The following PIGV variants were observed in gnomAD, a reference collection of about 807,000 sequenced individuals.
PIGV encodes GPI alpha-1,6-mannosyltransferase 2.
PIGV carries 27 observed loss-of-function variants against 39.2 expected under a neutral mutation model. The observed-to-expected ratio is 0.69, with a 90% CI of 0.51 to 0.95. The LOEUF (loss-of-function observed/expected upper bound fraction) is 0.95. Among genes scored for constraint, PIGV ranks in the 40% least tolerant of loss-of-function variants. The pLI is 0.00. For synonymous variants in PIGV, 232 were observed against 241.7 expected, an observed-to-expected ratio of 0.96 and a Z score of 0.37; for missense variants, 523 against 586.4, an observed-to-expected ratio of 0.89 and a Z score of 1.12.
chr1:26,788,485 G>C (rs1010414754), intron 1 of PIGV: 30 of 152,486 alleles, frequency 2.0e-4, no homozygotes, highest in African/African-American at 7.2e-4. Context: ...CAGATTCTCA[G>C]ATAGGGCCCA....
At chr1:26,791,424 GT>G (rs2081308375) in intron 2 of PIGV, among the ~76,000 whole-genome samples, 1 of 152,126 alleles carries the variant, frequency 6.6e-6, no homozygotes, top group Admixed American at 6.5e-5. Flanking sequence ...GCACTTGCCC[GT>G]TTGCAGCTCC....
Position 26,797,868 on chromosome 1 carries a change from G to A in PIGV, c.*24G>A. On this transcript the variant is annotated 3_prime_UTR_variant, in exon 4 of 4. Coordinates refer to ENST00000674202, the MANE Select transcript of PIGV (RefSeq NM_017837.4). ...GACCTGGACTCTCCAGGGACAGGTT[G>A]GAAGCCAACTTAACCCAGGGGTCTG... 6.2e-7 allele frequency: 1 copy of A among 1,612,410 alleles called. No individual in the cohort carries two copies.
At chr1:26,791,181 C>G (rs1046322667) in intron 2 of PIGV, among the ~76,000 whole-genome samples, 2 of 152,168 alleles carry the variant, frequency 1.3e-5, no homozygotes, top group Non-Finnish European at 2.9e-5. Flanking sequence ...TTCCTAACTC[C>G]TGAGCTAGTG....
Position 26,794,772 on chromosome 1 carries a change from C to T in PIGV, c.738C>T (p.Phe246=). Residue 246 remains phenylalanine, a synonymous_variant, in exon 3 of 4, where the codon TTC becomes TTT. Coordinates refer to ENST00000674202, the MANE Select transcript of PIGV (RefSeq NM_017837.4). ...TGGCCTCTCTGTTTCTGTCGGTGTTCACACTTGGCCTTCCCTTTGCCCTCT... is the reference window on the plus strand; with the variant it reads ...TGGCCTCTCTGTTTCTGTCGGTGTTTACACTTGGCCTTCCCTTTGCCCTCT... ...KLMASLFLSV[F]TLGLPFALFQ... The T allele has an allele frequency of 6.2e-7, 1 of 1,614,140 alleles. No homozygotes were observed. The highest frequency in any genetic ancestry group is 1.6e-4 in the Middle Eastern group (1 of 6,062).
chr1:26,787,063 C>G (rs1225712308), upstream of PIGV, among the ~76,000 whole-genome samples: 1 of 152,176 alleles, frequency 6.6e-6, no homozygotes, highest in Non-Finnish European at 1.5e-5. Context: ...TGGCCAGAGG[C>G]TAACCCGGCC....
intron 2 of PIGV, 104 bp downstream of exon 2, chr1:26,790,997 A>T: frequency 1.1e-6 from 1 of 933,294 alleles, no homozygotes; most frequent in Admixed American, 1.8e-5. Flanking sequence ...GTGCCCCTCC[A>T]TGTGGTTGGA....
chr1:26,795,384 C>A, intron 3 of PIGV, 150 bp downstream of exon 3: 3 of 1,059,532 alleles, frequency 2.8e-6, no homozygotes, highest in Non-Finnish European at 4.2e-6. Context: ...TTATGCCAGA[C>A]TCTGGGTCAG....
In PIGV at chr1:26,795,044, T is replaced by C; in HGVS notation, c.1010T>C (p.Leu337Pro). Residue 337 changes from leucine (L) to proline (P), a missense_variant, in exon 3 of 4, where the codon CTG (leucine) becomes CCG (proline). Leu to Pro is a moderately conservative substitution (Grantham distance 98). Transcript: ENST00000674202. Reference sequence around the variant, plus strand: ...CTACTGGCTGCACCAGTGGCTATACTGGTTGCCTGGGCAACTTGGACATAC... The same window carrying C: ...CTACTGGCTGCACCAGTGGCTATACCGGTTGCCTGGGCAACTTGGACATAC... ...NFLLAAPVAI[L>P]VAWATWTYVT... 1 of 1,614,246 alleles carries C rather than the reference T, an allele frequency of 6.2e-7. No individual in the cohort carries two copies. The highest frequency in any genetic ancestry group is 1.1e-5 in the South Asian group (1 of 91,086).
In PIGV at chr1:26,798,784, T is replaced by C. The variant is rs1488023805; in HGVS notation, c.*940T>C. ...AAATAATTTTAAAAAGTTAAAATAATATAAATCAGCTGGGGGAAAAAAGGG... is the reference window on the plus strand; with the variant it reads ...AAATAATTTTAAAAAGTTAAAATAACATAAATCAGCTGGGGGAAAAAAGGG... On this transcript the variant is annotated 3_prime_UTR_variant, in exon 4 of 4. Transcript: ENST00000674202. Among the ~76,000 whole-genome samples, 1 of 152,126 alleles carries C rather than the reference T, an allele frequency of 6.6e-6. No individual in the cohort carries two copies. The highest frequency in any genetic ancestry group is 1.5e-5 in the Non-Finnish European group (1 of 68,020).
rs1049296164 is a variant in PIGV at position 26,799,054 on chromosome 1, A to T, written c.*1210A>T. Among the ~76,000 whole-genome samples, 5 of 152,238 alleles carry T rather than the reference A, an allele frequency of 3.3e-5. No homozygotes were observed. The highest frequency in any genetic ancestry group is 5.9e-5 in the Non-Finnish European group (4 of 68,030). ...AGTCTAAATGCTAATGTAGAGGCTTAAATGTGTGATTTTAGGAGAAAATAT... is the reference window on the plus strand; with the variant it reads ...AGTCTAAATGCTAATGTAGAGGCTTTAATGTGTGATTTTAGGAGAAAATAT... On this transcript the variant is annotated 3_prime_UTR_variant, in exon 4 of 4. Transcript: ENST00000674202.
At chr1:26,787,710 C>T (rs1208372478), upstream of PIGV, 1 of 152,484 alleles carries the variant, frequency 6.6e-6, no homozygotes, top group African/African-American at 2.4e-5. Context: ...AGAGCACTGA[C>T]TCTGAGACAG....
chr1:26,788,557 G>C (rs2081269615), intron 1 of PIGV: 1 of 152,330 alleles, frequency 6.6e-6, no homozygotes, highest in Non-Finnish European at 1.5e-5. Flanking sequence ...CTAGGCGTTT[G>C]GGTGACCTGG....
Position 26,799,161 on chromosome 1 carries a change from C to T in PIGV, c.*1317C>T, listed in dbSNP as rs1185974926. On this transcript the variant is annotated 3_prime_UTR_variant, in exon 4 of 4. Coordinates refer to ENST00000674202, the MANE Select transcript of PIGV (RefSeq NM_017837.4). ...TTGGGAGTAATTTAGGTGGTCTTTC[C>T]TTTCAATGAGGGAAAGCAGTAACAT... is the stretch of plus-strand genomic sequence containing the variant. Among the ~76,000 whole-genome samples the T allele has an allele frequency of 6.6e-6, 1 of 152,148 alleles. No homozygotes were observed. Among genetic ancestry groups the T allele is most frequent in the Non-Finnish European group, 1.5e-5 (1 of 68,016 alleles).
chr1:26,792,458 G>C (rs994540009), intron 2 of PIGV, among the ~76,000 whole-genome samples: 3 of 151,406 alleles, frequency 2.0e-5, no homozygotes, highest in Non-Finnish European at 4.4e-5. Context: ...CTCCCGAGTA[G>C]CTGGGACTAC....
rs1248849575 is a variant in PIGV at position 26,790,862 on chromosome 1, T to C, written c.47T>C (p.Val16Ala). ...PSRKEVLRFA[V>A]SCRILTLMLQ... Reference sequence around the variant, plus strand: ...CGGAAGGAGGTGCTGAGGTTTGCAGTCAGCTGCCGTATCCTGACTCTGATG... The same window carrying C: ...CGGAAGGAGGTGCTGAGGTTTGCAGCCAGCTGCCGTATCCTGACTCTGATG... Residue 16 changes from valine to alanine, a missense_variant, in exon 2 of 4, where the codon GTC (valine) becomes GCC (alanine). By Grantham distance (64) the Val-to-Ala change is moderately conservative. Coordinates refer to ENST00000674202, the MANE Select transcript of PIGV (RefSeq NM_017837.4). 2 of 1,614,014 alleles carry C rather than the reference T, an allele frequency of 1.2e-6. No homozygotes were observed. Among genetic ancestry groups the C allele is most frequent in the Non-Finnish European group, 1.7e-6 (2 of 1,180,010 alleles).
intron 1 of PIGV, 132 bp from the exon 2 acceptor site, chr1:26,790,627 T>C (rs373665511): frequency 1.6e-6 from 1 of 619,256 alleles, no homozygotes; most frequent in Non-Finnish European, 2.9e-6. Context: ...CAAGATGCTT[T>C]CCCCTCATCT....
chr1:26,791,022 G>A, intron 2 of PIGV, 129 bp downstream of exon 2: 1 of 756,178 alleles, frequency 1.3e-6, no homozygotes, highest in Non-Finnish European at 2.3e-6. Flanking sequence ...CAGAGACATA[G>A]ACTTTAGAGC....
chr1:26,795,495 A>G (rs1020666300), intron 3 of PIGV, among the ~76,000 whole-genome samples: 10 of 151,988 alleles, frequency 6.6e-5, no homozygotes, highest in African/African-American at 2.2e-4. Flanking sequence ...GGTGGATCAC[A>G]AGGTCAGGGG....
At chr1:26,793,361 C>G (rs1417770591) in intron 2 of PIGV, among the ~76,000 whole-genome samples, 1 of 152,150 alleles carries the variant, frequency 6.6e-6, no homozygotes, top group Non-Finnish European at 1.5e-5. Context: ...TTGAAATAGC[C>G]CTTGTCAAAG....
Sources: allele counts gnomAD v4.1 joint callset (sites outside exome capture counted in the v4.1 genomes callset), GRCh38; gene constraint gnomAD v4.1.1; transcripts MANE v1.5; gene names NCBI Gene and HGNC (gene_info 2026-07-23, HGNC 2026-07-21).